MYO9A: variants seen among roughly 807,000 people sequenced by gnomAD.
The protein encoded by MYO9A is myosin IXA.
In MYO9A, 103 loss-of-function variants were observed where a neutral mutation model predicts 293.3. That is an observed-to-expected ratio of 0.35 (90% confidence interval 0.30 to 0.41). MYO9A has a LOEUF of 0.41. MYO9A is among the 10% of genes least tolerant of loss of function. The pLI is 1.00. For synonymous variants in MYO9A, 1,001 were observed against 1,035.7 expected (o/e 0.97, Z 0.64); for missense variants, 2,685 against 3,033.0 (o/e 0.89, Z 2.69).
chr15:72,044,999 C>A (rs1185871523), intron 2 of MYO9A, among the ~76,000 whole-genome samples: 1 of 152,118 alleles, frequency 6.6e-6, no homozygotes, highest in Non-Finnish European at 1.5e-5. Context: ...CTCTTGGTTA[C>A]TAAAAATAAT....
intron 9 of MYO9A, among the ~76,000 whole-genome samples, chr15:71,998,847 C>T (rs1008733752): frequency 6.6e-6 from 1 of 151,914 alleles, no homozygotes; most frequent in African/African-American, 2.4e-5. Context: ...TTTGTCCTTG[C>T]GATAGTTTAC....
intron 1 of MYO9A, among the ~76,000 whole-genome samples, chr15:72,050,464 A>G (rs2957723): frequency 0.96 from 145,409 of 152,014 alleles, 69,881 homozygotes; most frequent in East Asian, 1. Context: ...AAAATTAGCC[A>G]GGCATGGTGG....
At chr15:71,861,648 T>A in intron 33 of MYO9A, among the ~76,000 whole-genome samples, 1 of 141,520 alleles carries the variant, frequency 7.1e-6, no homozygotes, top group Non-Finnish European at 1.5e-5. Context: ...AAACTTACTA[T>A]GTGCCATCAC....
intron 14 of MYO9A, among the ~76,000 whole-genome samples, chr15:71,956,330 A>AAAAAAAAATATATATATATATATAT (rs10642655): frequency 4.1e-4 from 31 of 75,512 alleles, no homozygotes; most frequent in African/African-American, 1.7e-3. Flanking sequence ...AAAAAAAAAA[A>AAAAAAAAATATATATATATATATAT]ATATATATAT....
chr15:71,965,136 T>C (rs955925142), intron 13 of MYO9A, among the ~76,000 whole-genome samples: 3 of 151,766 alleles, frequency 2.0e-5, no homozygotes, highest in Non-Finnish European at 2.9e-5. Flanking sequence ...TTATAAGTAA[T>C]TTATATTGTC....
At chr15:72,064,274 C>T (rs1053833087) in intron 1 of MYO9A, among the ~76,000 whole-genome samples, 11 of 151,868 alleles carry the variant, frequency 7.2e-5, no homozygotes, top group African/African-American at 2.7e-4. Flanking sequence ...CTACGGTCAA[C>T]AATAATTTAT....
intron 13 of MYO9A, among the ~76,000 whole-genome samples, chr15:71,965,472 C>A (rs1050743499): frequency 2.0e-5 from 3 of 152,042 alleles, no homozygotes; most frequent in African/African-American, 7.2e-5. Context: ...CATATAATAT[C>A]AAGTGGCTCA....
Position 71,886,195 on chromosome 15 carries a change from A to T in MYO9A, c.5255+1809T>A, listed in dbSNP as rs1237690807. The stretch of plus-strand genomic sequence containing the variant: ...ATGTGATTATTATTTAAAGTAGGGT[A>T]AAAAAAAAAAAAAAAAAAAGAAAGA... On this transcript the variant is annotated intron_variant, in intron 27 of 41. Transcript: ENST00000356056. Among the ~76,000 whole-genome samples the T allele has an allele frequency of 3.6e-4, 4 of 11,102 alleles. No homozygotes were observed. The Non-Finnish European group carries it at 6.7e-3, about 19-fold the overall frequency. 7.3% of individuals were successfully genotyped at this position (11,102 alleles called of 152,430 possible).
chr15:71,895,914 C>T (rs767521490), intron 25 of MYO9A, among the ~76,000 whole-genome samples: 62 of 151,146 alleles, frequency 4.1e-4, no homozygotes, highest in Non-Finnish European at 8.3e-4. Flanking sequence ...AATACATACA[C>T]ACACATAAAT....
At chr15:71,995,515 G>A (rs2929525) in intron 9 of MYO9A, among the ~76,000 whole-genome samples, 101,475 of 150,858 alleles carry the variant, frequency 0.67, 34,790 homozygotes, top group Middle Eastern at 0.75. Flanking sequence ...GTCTGAAATT[G>A]TTCTTAAAAA....
chr15:71,910,168 G>GTATATATATA (rs377474158), intron 19 of MYO9A, among the ~76,000 whole-genome samples: 73,478 of 127,962 alleles, frequency 0.57, 22,342 homozygotes, highest in Middle Eastern at 0.66. Context: ...ATATATACGT[G>GTATATATATA]TATATATATA....
intron 32 of MYO9A, among the ~76,000 whole-genome samples, chr15:71,871,379 A>G (rs956026106): frequency 6.6e-6 from 1 of 152,174 alleles, no homozygotes; most frequent in African/African-American, 2.4e-5. Context: ...AGTCTCAAAA[A>G]AAGAAAGAAA....
rs1021746884 is a variant in MYO9A at position 71,928,232 on chromosome 15, T to C, written c.2562+5438A>G. 6.2e-5 allele frequency among the ~76,000 whole-genome samples: 9 copies of C among 145,696 alleles called. No homozygotes were observed. The South Asian group carries it at 1.3e-3, about 22-fold the overall frequency. On this transcript the variant is annotated intron_variant, in intron 18 of 41. Coordinates refer to ENST00000356056, the MANE Select transcript of MYO9A (RefSeq NM_006901.4). ...AGCTGGGACTACAGGCGCCCGCCAC[T>C]ACGCCCGGCTAATTTTTTGTATTTT...
chr15:72,090,813 C>A (rs917255520), intron 1 of MYO9A, among the ~76,000 whole-genome samples: 1 of 151,852 alleles, frequency 6.6e-6, no homozygotes, highest in Non-Finnish European at 1.5e-5. Context: ...TAAAAAAACT[C>A]CATCACCTAG....
chr15:72,070,516 T>G (rs528957231), intron 1 of MYO9A, among the ~76,000 whole-genome samples: 1 of 151,220 alleles, frequency 6.6e-6, no homozygotes, highest in South Asian at 2.1e-4. Context: ...TTATGAGCTC[T>G]ACAAATATCT....
At position 71,879,742 on chromosome 15, in the gene MYO9A, G is replaced by A. The variant is rs760103463; in HGVS notation, c.5718C>T (p.Ser1906=). 1 of 1,611,960 alleles carries A rather than the reference G, an allele frequency of 6.2e-7. No homozygotes were observed. The change falls in exon 30 of 42, where the codon AGC becomes AGT. Residue 1906 remains serine (S), a synonymous_variant. Coordinates refer to ENST00000356056, the MANE Select transcript of MYO9A (RefSeq NM_006901.4). ...TCACCGCCAATGCAGATGAATAAAAGCTGAAGATATTCTGCCGAAATTCCT... is the reference window on the plus strand; with the variant it reads ...TCACCGCCAATGCAGATGAATAAAAACTGAAGATATTCTGCCGAAATTCCT... The part of the protein sequence containing the change: ...ALKEFRQNIF[S]FYSSALAMDD...
chr15:72,015,243 G>C (rs2077296390), intron 6 of MYO9A, among the ~76,000 whole-genome samples: 1 of 152,114 alleles, frequency 6.6e-6, no homozygotes, highest in African/African-American at 2.4e-5. Context: ...AATAAAGCCA[G>C]AAAGACATGT....
At chr15:71,900,992 G>C (rs2057466802) in intron 23 of MYO9A, among the ~76,000 whole-genome samples, 199 bp downstream of exon 23, 1 of 152,168 alleles carries the variant, frequency 6.6e-6, no homozygotes, top group Non-Finnish European at 1.5e-5. Context: ...AAATTCAATG[G>C]AATCAATATT....
At chr15:71,905,502 A>G (rs1200801865) in intron 19 of MYO9A, among the ~76,000 whole-genome samples, 6 of 152,046 alleles carry the variant, frequency 3.9e-5, no homozygotes, top group Non-Finnish European at 8.8e-5. Flanking sequence ...TGATTTGCTC[A>G]GCCCAGGCAT....
Sources: allele counts gnomAD v4.1 joint callset (sites outside exome capture counted in the v4.1 genomes callset), GRCh38; gene constraint gnomAD v4.1.1; transcripts MANE v1.5; gene names NCBI Gene and HGNC (gene_info 2026-07-23, HGNC 2026-07-21).